The following TARBP1 variants were observed in gnomAD, a reference collection of about 807,000 sequenced individuals.
TARBP1 encodes the protein tRNA (guanosine(18)-2'-O)-methyltransferase TARBP1.
Under a neutral mutation model 178.6 loss-of-function variants are expected in TARBP1, and 144 were observed. That is an observed-to-expected ratio of 0.81 (90% CI 0.70 to 0.93). The LOEUF is 0.93. Among genes scored for constraint, TARBP1 ranks in the 40% least tolerant of loss-of-function variants. TARBP1 has a pLI of 0.00. For missense variants in TARBP1, 2,067 were observed against 2,011.7 expected (o/e 1.03, Z -0.53); for synonymous variants, 787 against 781.0 (o/e 1.01, Z -0.13).
intron 25 of TARBP1, among the ~76,000 whole-genome samples, chr1:234,398,891 T>A (rs1397433315): frequency 6.6e-6 from 1 of 152,234 alleles, no homozygotes; most frequent in African/African-American, 2.4e-5. Context: ...TGCAATTTAC[T>A]GACAACTAAA....
intron 3 of TARBP1, among the ~76,000 whole-genome samples, chr1:234,468,589 T>C (rs1192791045): frequency 6.6e-6 from 1 of 152,198 alleles, no homozygotes; most frequent in East Asian, 1.9e-4. Flanking sequence ...ATTCTTCTCT[T>C]ATCCCACTTC....
intron 9 of TARBP1, among the ~76,000 whole-genome samples, chr1:234,454,132 C>A (rs1168838299): frequency 6.6e-6 from 1 of 152,134 alleles, no homozygotes; most frequent in East Asian, 1.9e-4. Context: ...ATGGGCTAAC[C>A]GTAGCCTAAA....
chr1:234,432,368 G>A (rs12045698), intron 14 of TARBP1, among the ~76,000 whole-genome samples: 20,361 of 152,124 alleles, frequency 0.13, 1,486 homozygotes, highest in Middle Eastern at 0.25. Context: ...CTTGAACCCA[G>A]GAGGCTGAGA....
intron 24 of TARBP1, chr1:234,405,265 A>C (rs552575767): frequency 6.6e-6 from 1 of 152,334 alleles, no homozygotes; most frequent in Non-Finnish European, 1.5e-5. Flanking sequence ...TAATAATAAA[A>C]AGGCAAAACA....
chr1:234,419,081 A>C (rs2103090721), intron 21 of TARBP1, among the ~76,000 whole-genome samples: 1 of 152,258 alleles, frequency 6.6e-6, no homozygotes, highest in Non-Finnish European at 1.5e-5. Flanking sequence ...CTGAGGCAGG[A>C]GAATGGCGTG....
chr1:234,468,425 G>A lies in TARBP1; in HGVS notation c.1100-775C>T, dbSNP rs528763801. On this transcript the variant is annotated intron_variant, in intron 3 of 29. Coordinates refer to ENST00000040877, the MANE Select transcript of TARBP1 (RefSeq NM_005646.4). Reference sequence around the variant, plus strand: ...GGAGGTTAGAGTGAGCCCAGGCCCCGCCACTGCACTCCAGCTTGGGCAACA... The same window carrying A: ...GGAGGTTAGAGTGAGCCCAGGCCCCACCACTGCACTCCAGCTTGGGCAACA... Among the ~76,000 whole-genome samples, 5 of 152,178 alleles carry A rather than the reference G, an allele frequency of 3.3e-5. No individual in the cohort carries two copies. The South Asian group carries it at 6.2e-4, about 19-fold the overall frequency.
chr1:234,465,639 A>T lies in TARBP1; in HGVS notation c.1301+17T>A. On this transcript the variant is annotated intron_variant, in intron 5 of 29. Coordinates refer to ENST00000040877, the MANE Select transcript of TARBP1 (RefSeq NM_005646.4). ...AAATGTATGTATCAAATACTTCATA[A>T]CATAATGTCTCTTTACCTGCTATAC... 6.4e-7 allele frequency: 1 copy of T among 1,557,506 alleles called. No homozygotes were observed. Among genetic ancestry groups the T allele is most frequent in the Non-Finnish European group, 8.6e-7 (1 of 1,160,318 alleles).
At chr1:234,438,512 C>T in intron 12 of TARBP1, among the ~76,000 whole-genome samples, 1 of 152,100 alleles carries the variant, frequency 6.6e-6, no homozygotes, top group South Asian at 2.1e-4. Flanking sequence ...AATAAATTCA[C>T]TGAATGGGAT....
intron 25 of TARBP1, 30 bp from the exon 26 acceptor site, chr1:234,398,583 C>A (rs779229921): frequency 1.3e-5 from 19 of 1,491,146 alleles, no homozygotes; most frequent in Admixed American, 2.1e-5. Flanking sequence ...ATCTAAATTT[C>A]TTCCCTTAAG....
chr1:234,419,065 G>A (rs561118), intron 21 of TARBP1, among the ~76,000 whole-genome samples: 25,577 of 152,012 alleles, frequency 0.17, 2,399 homozygotes, highest in African/African-American at 0.24. Flanking sequence ...CCAGCTACGC[G>A]GGAGGCTGAG....
chr1:234,418,944 G>T (rs941148138), intron 21 of TARBP1, among the ~76,000 whole-genome samples: 1 of 152,114 alleles, frequency 6.6e-6, no homozygotes, highest in African/African-American at 2.4e-5. Flanking sequence ...AGGCCGAGGC[G>T]GGCGGATCAC....
chr1:234,476,323 G>A (rs1410475945), intron 1 of TARBP1, among the ~76,000 whole-genome samples: 2 of 152,196 alleles, frequency 1.3e-5, no homozygotes, highest in East Asian at 3.8e-4. Flanking sequence ...AGAATGCACT[G>A]CACTGACACA....
chr1:234,430,351 C>A (rs959551004), intron 14 of TARBP1, 50 bp from the exon 15 acceptor site: 3 of 1,525,178 alleles, frequency 2.0e-6, no homozygotes, highest in Non-Finnish European at 1.8e-6. Flanking sequence ...AAGTCTTAAT[C>A]AGTAATGACC....
At chr1:234,469,410 T>A (rs1021833741) in intron 3 of TARBP1, among the ~76,000 whole-genome samples, 1 of 152,172 alleles carries the variant, frequency 6.6e-6, no homozygotes, top group African/African-American at 2.4e-5. Context: ...TCAAGAGCTG[T>A]GGGCAAAATG....
rs754924131 is a variant in TARBP1 at position 234,429,152 on chromosome 1, T to C, written c.3044A>G (p.Tyr1015Cys). 2 of 1,573,902 alleles carry C rather than the reference T, an allele frequency of 1.3e-6. No individual in the cohort carries two copies. Among genetic ancestry groups the C allele is most frequent in the Non-Finnish European group, 1.7e-6 (2 of 1,169,174 alleles). The change falls in exon 17 of 30, where the codon TAT (tyrosine) becomes TGT (cysteine). Residue 1015 changes from tyrosine (Y) to cysteine (C), a missense_variant. Physicochemically the swap from Tyr to Cys is radical, Grantham distance 194 (BLOSUM62 -2). Transcript: ENST00000040877. ...GTTAGTTACCTCTTTTATTTTGAAA[T>C]ATGCCTGGCCCTTGATTTTGGCAGC... ...TIAAKIKGQA[Y>C]FKIKEIMYKI...
chr1:234,434,576 T>A (rs1319334346), intron 13 of TARBP1, among the ~76,000 whole-genome samples: 2 of 152,096 alleles, frequency 1.3e-5, no homozygotes, highest in Admixed American at 6.5e-5. Context: ...GAACCTCCTG[T>A]AGGAATTATA....
chr1:234,450,987 C>G (rs1221122376), intron 9 of TARBP1, among the ~76,000 whole-genome samples: 1 of 152,156 alleles, frequency 6.6e-6, no homozygotes, highest in Non-Finnish European at 1.5e-5. Flanking sequence ...AAAACTTCTT[C>G]CAGCTTCACA....
chr1:234,469,892 A>C (rs540327577), intron 3 of TARBP1, among the ~76,000 whole-genome samples: 1 of 152,376 alleles, frequency 6.6e-6, no homozygotes, highest in East Asian at 1.9e-4. Context: ...CAGAACAATA[A>C]CTGAAAACTT....
intron 24 of TARBP1, 132 bp downstream of exon 24, chr1:234,405,771 C>T (rs772036709): frequency 1.2e-6 from 1 of 834,120 alleles, no homozygotes; most frequent in Non-Finnish European, 1.9e-6. Context: ...TGGCCCAGTC[C>T]AAGCCCTCGA....
Sources: gnomAD v4.1 joint callset for allele counts (sites outside exome capture counted in the v4.1 genomes callset) on GRCh38, gnomAD v4.1.1 for gene constraint, MANE v1.5 for transcripts, NCBI Gene and HGNC (gene_info 2026-07-23, HGNC 2026-07-21) for gene names.